LINGO2: variants seen among roughly 807,000 people sequenced by gnomAD.
LINGO2 encodes the protein leucine rich repeat and Ig domain containing 2, also known as leucine-rich repeat and immunoglobulin-like domain-containing nogo receptor-interacting protein 2.
LINGO2 carries 14 observed loss-of-function variants against 30.6 expected under a neutral mutation model. The observed-to-expected ratio is 0.46, with a 90% CI of 0.30 to 0.72. LINGO2 has a LOEUF of 0.72. Ranked by LOEUF, LINGO2 falls within the 30% of genes least tolerant of loss-of-function variation. The pLI is 0.07. For missense variants in LINGO2, 729 were observed against 751.7 expected, an observed-to-expected ratio of 0.97 and a Z score of 0.35; for synonymous variants, 317 against 288.5, an observed-to-expected ratio of 1.10 and a Z score of -1.00.
chr9:28,914,870 C>G, the LINGO2 span, among the ~76,000 whole-genome samples: 2 of 152,162 alleles, frequency 1.3e-5, no homozygotes, highest in African/African-American at 4.8e-5. Flanking sequence ...CGGTGGCTCA[C>G]GCCTGTAATC....
chr9:28,632,700 CTATA>C (rs1827017536), intron 1 of LINGO2, among the ~76,000 whole-genome samples: 1 of 127,102 alleles, frequency 7.9e-6, no homozygotes, highest in East Asian at 2.2e-4. Flanking sequence ...TTATATAGAT[CTATA>C]TATTTATATA....
At chr9:28,056,982 AAC>A (rs1824961832) in intron 4 of LINGO2, among the ~76,000 whole-genome samples, 1 of 152,166 alleles carries the variant, frequency 6.6e-6, no homozygotes, top group Non-Finnish European at 1.5e-5. Context: ...TAATCACAGA[AAC>A]ACTTTCCATA....
At chr9:28,425,899 T>C (rs550181413) in intron 2 of LINGO2, among the ~76,000 whole-genome samples, 1 of 152,156 alleles carries the variant, frequency 6.6e-6, no homozygotes, top group African/African-American at 2.4e-5. Flanking sequence ...TTGTTAAATG[T>C]AGATAAATTA....
chr9:28,287,565 T>C (rs954733745), intron 4 of LINGO2, among the ~76,000 whole-genome samples: 11 of 152,192 alleles, frequency 7.2e-5, no homozygotes, highest in Non-Finnish European at 2.9e-5. Flanking sequence ...AGGTTTGCTT[T>C]CTAGCCATAA....
the LINGO2 span, among the ~76,000 whole-genome samples, chr9:28,775,432 A>G: frequency 1.5e-4 from 23 of 152,190 alleles, no homozygotes; most frequent in Non-Finnish European, 2.9e-4. Flanking sequence ...TTTAGAGTGC[A>G]TGGCCTGCCT....
chr9:27,950,529 A>G, exon 6 of LINGO2: 1 of 1,573,820 alleles, frequency 6.4e-7, no homozygotes, highest in Non-Finnish European at 8.6e-7. Flanking sequence ...GATGGCGATC[A>G]ATCGCCTTCT....
chr9:28,444,428 C>T (rs564583057), intron 2 of LINGO2, among the ~76,000 whole-genome samples: 9 of 152,302 alleles, frequency 5.9e-5, no homozygotes, highest in East Asian at 3.9e-4. Context: ...TGGGCCAGAA[C>T]GAGGCAGCAG....
At chr9:28,801,158 A>C in the LINGO2 span, among the ~76,000 whole-genome samples, 10 of 152,060 alleles carry the variant, frequency 6.6e-5, no homozygotes, top group African/African-American at 2.4e-4. Flanking sequence ...AAGAAGCTTG[A>C]GTCTTTGGTT....
chr9:28,217,812 C>T (rs1260468988), intron 4 of LINGO2, among the ~76,000 whole-genome samples: 1 of 151,888 alleles, frequency 6.6e-6, no homozygotes, highest in East Asian at 1.9e-4. Context: ...TTTTAAAGTG[C>T]AGGATCAACA....
chr9:28,526,076 A>AAAAAAAAAAAG (rs1821025195), intron 1 of LINGO2, among the ~76,000 whole-genome samples: 1 of 150,106 alleles, frequency 6.7e-6, no homozygotes, highest in Non-Finnish European at 1.5e-5. Context: ...AAAAAAAAAA[A>AAAAAAAAAAAG]GCCATTGAGT....
At chr9:28,805,026 CT>C in the LINGO2 span, among the ~76,000 whole-genome samples, 3 of 152,106 alleles carry the variant, frequency 2.0e-5, no homozygotes, top group Non-Finnish European at 4.4e-5. Flanking sequence ...ACATGCAGGA[CT>C]ATTTGTCCTT....
chr9:28,241,795 C>CA (rs1310608014), intron 4 of LINGO2, among the ~76,000 whole-genome samples: 1 of 152,118 alleles, frequency 6.6e-6, no homozygotes, highest in African/African-American at 2.4e-5. Context: ...TGCTCTTCTC[C>CA]AGCCTCCCTG....
At chr9:28,220,378 G>A (rs376396882) in intron 4 of LINGO2, among the ~76,000 whole-genome samples, 14 of 152,166 alleles carry the variant, frequency 9.2e-5, no homozygotes, top group Admixed American at 6.5e-5. Flanking sequence ...TTGTTTGTCC[G>A]TTATCACACA....
the LINGO2 span, among the ~76,000 whole-genome samples, chr9:28,957,739 A>G: frequency 6.6e-6 from 1 of 152,310 alleles, no homozygotes; most frequent in East Asian, 1.9e-4. Context: ...ACCATCATAA[A>G]AGAGGTTTGG....
the LINGO2 span, among the ~76,000 whole-genome samples, chr9:28,745,498 T>C: frequency 6.6e-6 from 1 of 152,136 alleles, no homozygotes; most frequent in Admixed American, 6.5e-5. Context: ...TGTAAATGAA[T>C]GTCTTTACAT....
chr9:28,831,345 A>C, the LINGO2 span, among the ~76,000 whole-genome samples: 1 of 152,196 alleles, frequency 6.6e-6, no homozygotes, highest in Non-Finnish European at 1.5e-5. Context: ...TATCAGGAAA[A>C]TTTTAACAGA....
chr9:28,337,440 A>C (rs1243456156), intron 3 of LINGO2, among the ~76,000 whole-genome samples: 1 of 152,180 alleles, frequency 6.6e-6, no homozygotes, highest in Non-Finnish European at 1.5e-5. Context: ...CCATTTTCTG[A>C]AGATAAATTC....
intron 2 of LINGO2, among the ~76,000 whole-genome samples, chr9:28,457,072 A>C (rs541022498): frequency 6.6e-6 from 1 of 152,296 alleles, no homozygotes; most frequent in South Asian, 2.1e-4. Context: ...ATAAGTGAAC[A>C]TGATCTCTTA....
At chr9:28,091,958 C>G (rs1406690588) in intron 4 of LINGO2, among the ~76,000 whole-genome samples, 1 of 152,174 alleles carries the variant, frequency 6.6e-6, no homozygotes, top group African/African-American at 2.4e-5. Context: ...CTCATCATCA[C>G]TGGCCATCAG....
Sources: gnomAD v4.1 joint callset for allele counts (sites outside exome capture counted in the v4.1 genomes callset) on GRCh38, gnomAD v4.1.1 for gene constraint, MANE v1.5 for transcripts, NCBI Gene and HGNC (gene_info 2026-07-23, HGNC 2026-07-21) for gene names.